Variants in CDH12 observed in about 807,000 individuals in gnomAD.
The protein encoded by CDH12 is cadherin-12.
CDH12 carries 41 observed loss-of-function variants against 74.1 expected under a neutral mutation model. The ratio of observed to expected loss-of-function variants is 0.55; its 90% confidence interval spans 0.43 to 0.72. The LOEUF is 0.72. CDH12 is among the 30% of genes least tolerant of loss of function. The pLI, the probability that CDH12 is intolerant of heterozygous loss-of-function variation, is 0.00. For missense variants in CDH12, 945 were observed against 977.2 expected, an observed-to-expected ratio of 0.97 and a Z score of 0.44; for synonymous variants, 399 against 355.0, an observed-to-expected ratio of 1.12 and a Z score of -1.39.
At chr5:22,619,764 T>C (rs764294367) in intron 1 of CDH12, among the ~76,000 whole-genome samples, 1 of 151,992 alleles carries the variant, frequency 6.6e-6, no homozygotes, top group Non-Finnish European at 1.5e-5. Context: ...TTACTGGTAC[T>C]ATGCTTCCCC....
At chr5:22,265,418 T>C (rs892333967) in intron 3 of CDH12, among the ~76,000 whole-genome samples, 3 of 152,196 alleles carry the variant, frequency 2.0e-5, no homozygotes, top group African/African-American at 7.2e-5. Context: ...TACTATAGTC[T>C]TAACTTCAGG....
At chr5:21,996,035 C>T (rs541065183) in intron 5 of CDH12, among the ~76,000 whole-genome samples, 1 of 151,248 alleles carries the variant, frequency 6.6e-6, no homozygotes, top group Non-Finnish European at 1.5e-5. Flanking sequence ...AATTTATTGA[C>T]CTTCTCATAA....
intron 1 of CDH12, among the ~76,000 whole-genome samples, chr5:22,525,587 G>A (rs1323169727): frequency 1.3e-5 from 2 of 152,064 alleles, no homozygotes; most frequent in Non-Finnish European, 2.9e-5. Context: ...CTAGTATGAC[G>A]AGAAAATTTT....
intron 5 of CDH12, among the ~76,000 whole-genome samples, chr5:22,035,318 G>T (rs1293565518): frequency 1.3e-5 from 2 of 151,738 alleles, no homozygotes; most frequent in Non-Finnish European, 2.9e-5. Context: ...CAGATTAAAG[G>T]GAAAAATTCA....
chr5:22,110,254 G>A (rs527933350), intron 4 of CDH12, among the ~76,000 whole-genome samples: 1 of 152,130 alleles, frequency 6.6e-6, no homozygotes, highest in Non-Finnish European at 1.5e-5. Flanking sequence ...TAGCCAATAT[G>A]CCAGAGCACC....
At chr5:22,132,550 A>C (rs1240788832) in intron 4 of CDH12, among the ~76,000 whole-genome samples, 1 of 151,678 alleles carries the variant, frequency 6.6e-6, no homozygotes, top group Non-Finnish European at 1.5e-5. Flanking sequence ...AGGAAGAAAT[A>C]ACAAACTCCT....
intron 1 of CDH12, among the ~76,000 whole-genome samples, chr5:22,553,044 T>C (rs1738646071): frequency 6.6e-6 from 1 of 152,138 alleles, no homozygotes; most frequent in African/African-American, 2.4e-5. Flanking sequence ...AATAAATGCC[T>C]ACAAAACCTC....
chr5:22,313,237 A>G (rs1174681153), intron 3 of CDH12, among the ~76,000 whole-genome samples: 1 of 152,202 alleles, frequency 6.6e-6, no homozygotes, highest in Admixed American at 6.5e-5. Flanking sequence ...TGGGTATTAA[A>G]CTTTTTTATC....
intron 4 of CDH12, among the ~76,000 whole-genome samples, chr5:22,137,926 A>G (rs1746553795): frequency 6.6e-6 from 1 of 152,174 alleles, no homozygotes; most frequent in African/African-American, 2.4e-5. Flanking sequence ...GACAGTTTTG[A>G]AAGATATCAG....
chr5:22,691,223 C>G (rs1305715594), intron 1 of CDH12, among the ~76,000 whole-genome samples: 3 of 152,132 alleles, frequency 2.0e-5, no homozygotes, highest in Admixed American at 6.5e-5. Context: ...AAAGCCTGTG[C>G]TTCAATTGGG....
chr5:22,523,984 T>TA (rs985695237), intron 1 of CDH12, among the ~76,000 whole-genome samples: 3 of 116,994 alleles, frequency 2.6e-5, no homozygotes, highest in Non-Finnish European at 5.6e-5. Context: ...TATTATTATT[T>TA]TTTTTTTTTT....
intron 1 of CDH12, among the ~76,000 whole-genome samples, chr5:22,724,335 T>A (rs1744054155): frequency 6.6e-6 from 1 of 151,934 alleles, no homozygotes; most frequent in Non-Finnish European, 1.5e-5. Context: ...ACTCATCACC[T>A]GAGCAGTGTA....
At chr5:22,467,354 C>G (rs1745779616) in intron 2 of CDH12, among the ~76,000 whole-genome samples, 1 of 152,158 alleles carries the variant, frequency 6.6e-6, no homozygotes, top group South Asian at 2.1e-4. Context: ...AGCAATTCTT[C>G]TGGGCTATCA....
chr5:21,937,377 A>G (rs1241379024), intron 6 of CDH12, among the ~76,000 whole-genome samples: 1 of 152,184 alleles, frequency 6.6e-6, no homozygotes, highest in East Asian at 1.9e-4. Context: ...GAGAAGAGAG[A>G]GAATATATTT....
At chr5:22,823,042 AC>A (rs1457955691) in intron 1 of CDH12, among the ~76,000 whole-genome samples, 1 of 152,184 alleles carries the variant, frequency 6.6e-6, no homozygotes, top group Non-Finnish European at 1.5e-5. Context: ...ACAATGGAAT[AC>A]TATGCAGCCA....
chr5:22,063,370 G>A (rs1050159756), intron 5 of CDH12, among the ~76,000 whole-genome samples: 1 of 152,000 alleles, frequency 6.6e-6, no homozygotes, highest in Non-Finnish European at 1.5e-5. Context: ...TCATTTGTAA[G>A]CACCCTTCTC....
intron 6 of CDH12, among the ~76,000 whole-genome samples, chr5:21,915,416 G>C (rs1428262513): frequency 3.9e-5 from 6 of 152,178 alleles, no homozygotes; most frequent in Admixed American, 3.9e-4. Context: ...ATAAATATAA[G>C]AATTTAAAAA....
At chr5:22,626,201 G>T (rs1179822158) in intron 1 of CDH12, among the ~76,000 whole-genome samples, 1 of 152,140 alleles carries the variant, frequency 6.6e-6, no homozygotes, top group Non-Finnish European at 1.5e-5. Context: ...GTGCATGAAG[G>T]CCTCTGCCCC....
rs114061272 is a variant in CDH12, at chr5:22,245,510, G to C, written c.-332-32867C>G. 4.2e-3 allele frequency among the ~76,000 whole-genome samples: 634 copies of C among 152,200 alleles called. 6 individuals carry two copies. The highest frequency in any genetic ancestry group is 0.015 in the African/African-American group (614 of 41,528). ...TAAGCGATAGATGCTAAATATAGCAGAGATAGGGTGGAATCAAAGATACAA... is the reference window on the plus strand; with the variant it reads ...TAAGCGATAGATGCTAAATATAGCACAGATAGGGTGGAATCAAAGATACAA... On this transcript the variant is annotated intron_variant, in intron 3 of 14. Transcript: ENST00000382254.
Sources: allele counts gnomAD v4.1 joint callset (sites outside exome capture counted in the v4.1 genomes callset), GRCh38; gene constraint gnomAD v4.1.1; transcripts MANE v1.5; gene names NCBI Gene and HGNC (gene_info 2026-07-23, HGNC 2026-07-21).